RARB: variants seen among roughly 807,000 people sequenced by gnomAD.
RARB encodes retinoic acid receptor beta.
In RARB, 17 loss-of-function variants were observed where a neutral mutation model predicts 51.9. The ratio of observed to expected loss-of-function variants is 0.33; its 90% CI spans 0.22 to 0.49. The LOEUF (loss-of-function observed/expected upper bound fraction) is 0.49. Ranked by LOEUF, RARB falls within the 20% of genes least tolerant of loss-of-function variation. The pLI is 0.99. For missense variants in RARB, 369 were observed against 550.8 expected, an observed-to-expected ratio of 0.67 and a Z score of 3.30; for synonymous variants, 215 against 195.4, an observed-to-expected ratio of 1.10 and a Z score of -0.84.
At chr3:25,085,886 G>A (rs575103963) in intron 3 of RARB, among the ~76,000 whole-genome samples, 89 of 152,182 alleles carry the variant, frequency 5.8e-4, no homozygotes, top group African/African-American at 2.1e-3. Context: ...GTAACAAATA[G>A]ACCAAAATAT....
At position 25,441,279 on chromosome 3, in the gene RARB, C is replaced by G. The variant is rs546827632; in HGVS notation, c.157+12391C>G. 1.1e-4 allele frequency: 43 copies of G among 404,972 alleles called. No homozygotes were observed. The Admixed American group carries it at 1.2e-3, about 11-fold the overall frequency. The allele number at this position is 404,972 out of a possible 1,614,324, so 25.1% of individuals were successfully genotyped here. ...CTCCTGCAAAGCACCAGTAGCTGCGCTCTGGAAGCTCAGATCTGTTTTAAA... is the reference window on the plus strand; with the variant it reads ...CTCCTGCAAAGCACCAGTAGCTGCGGTCTGGAAGCTCAGATCTGTTTTAAA... On this transcript the variant is annotated intron_variant, in intron 1 of 7. Coordinates refer to ENST00000330688, the MANE Select transcript of RARB (RefSeq NM_000965.5).
At chr3:25,345,099 T>C (rs115247796) in intron 5 of RARB, among the ~76,000 whole-genome samples, 1,589 of 152,314 alleles carry the variant, frequency 0.01, 12 homozygotes, top group Middle Eastern at 0.031. Flanking sequence ...GTAGAAAATA[T>C]CTGTGGGTGT....
At chr3:25,463,623 A>G (rs1031299988) in intron 2 of RARB, among the ~76,000 whole-genome samples, 46 of 151,842 alleles carry the variant, frequency 3.0e-4, no homozygotes, top group African/African-American at 1.1e-3. Context: ...AGATCGCGCC[A>G]CTGGACTCCA....
chr3:24,944,853 G>C (rs1695740520), intron 2 of RARB, among the ~76,000 whole-genome samples: 1 of 152,204 alleles, frequency 6.6e-6, no homozygotes, highest in Admixed American at 6.5e-5. Context: ...ATTATTCAGG[G>C]AGGAAGAGAG....
At chr3:25,247,800 C>A (rs1248388127) in intron 5 of RARB, among the ~76,000 whole-genome samples, 2 of 152,210 alleles carry the variant, frequency 1.3e-5, no homozygotes, top group African/African-American at 4.8e-5. Context: ...TATGTCTTAA[C>A]ATATCTATTC....
intron 5 of RARB, among the ~76,000 whole-genome samples, chr3:25,280,959 A>T (rs1307336869): frequency 6.6e-6 from 1 of 152,230 alleles, no homozygotes; most frequent in East Asian, 1.9e-4. Flanking sequence ...AAGAAGGAAG[A>T]TCACTTACCA....
intron 5 of RARB, among the ~76,000 whole-genome samples, chr3:25,317,947 T>C (rs1159547009): frequency 6.6e-6 from 1 of 152,082 alleles, no homozygotes; most frequent in Admixed American, 6.6e-5. Context: ...TAGTCTGAAT[T>C]GATGAAGCTT....
chr3:25,323,599 T>C (rs924365031), intron 5 of RARB, among the ~76,000 whole-genome samples: 9 of 152,192 alleles, frequency 5.9e-5, no homozygotes, highest in Non-Finnish European at 1.3e-4. Context: ...AACTTTGGCT[T>C]GTATATTTCA....
intron 3 of RARB, among the ~76,000 whole-genome samples, chr3:25,547,689 A>G (rs1699669395): frequency 6.6e-6 from 1 of 152,166 alleles, no homozygotes; most frequent in South Asian, 2.1e-4. Context: ...TGTCTTGGTA[A>G]CCTGTGTTGG....
intron 3 of RARB, among the ~76,000 whole-genome samples, chr3:25,088,598 A>C (rs1457197470): frequency 6.6e-6 from 1 of 152,128 alleles, no homozygotes; most frequent in African/African-American, 2.4e-5. Context: ...CATGGTGAGG[A>C]GTGTGTTTGT....
chr3:24,984,484 A>G (rs542048970), intron 2 of RARB, among the ~76,000 whole-genome samples: 15 of 152,304 alleles, frequency 9.8e-5, no homozygotes, highest in African/African-American at 3.6e-4. Flanking sequence ...AAGTTAAACT[A>G]TGAATTTTTA....
At chr3:25,342,694 C>A (rs1413277261) in intron 5 of RARB, among the ~76,000 whole-genome samples, 1 of 152,200 alleles carries the variant, frequency 6.6e-6, no homozygotes, top group Admixed American at 6.5e-5. Flanking sequence ...TTTTCTCTTA[C>A]CTGCAGCTGA....
chr3:24,902,483 C>G (rs1255183477), intron 2 of RARB, among the ~76,000 whole-genome samples: 1 of 152,032 alleles, frequency 6.6e-6, no homozygotes, highest in Non-Finnish European at 1.5e-5. Flanking sequence ...ATTGGCAGTG[C>G]TTTAAGGTTT....
intron 5 of RARB, among the ~76,000 whole-genome samples, chr3:25,330,029 C>G (rs1032467163): frequency 2.6e-5 from 4 of 152,176 alleles, no homozygotes; most frequent in African/African-American, 9.7e-5. Flanking sequence ...AAGACCAAAT[C>G]TACATCTGAT....
At chr3:25,493,494 G>A (rs1297020739) in intron 2 of RARB, among the ~76,000 whole-genome samples, 2 of 152,186 alleles carry the variant, frequency 1.3e-5, no homozygotes, top group African/African-American at 2.4e-5. Flanking sequence ...GCTGGCCTGG[G>A]GTCACACTGC....
intron 2 of RARB, among the ~76,000 whole-genome samples, chr3:24,921,684 T>G (rs1423106344): frequency 6.6e-6 from 1 of 152,082 alleles, no homozygotes; most frequent in Non-Finnish European, 1.5e-5. Flanking sequence ...CCTCAGCATC[T>G]CCCCAGAGTG....
intron 2 of RARB, among the ~76,000 whole-genome samples, chr3:24,909,033 T>G (rs1446460042): frequency 6.6e-6 from 1 of 152,158 alleles, no homozygotes; most frequent in African/African-American, 2.4e-5. Flanking sequence ...ATATAACACA[T>G]TAGAAATGTT....
chr3:25,210,583 A>C (rs1701672656), intron 5 of RARB, among the ~76,000 whole-genome samples: 1 of 116,536 alleles, frequency 8.6e-6, no homozygotes, highest in Non-Finnish European at 1.7e-5. Context: ...TTGCCCAGGC[A>C]AGAGTGCAGA....
intron 5 of RARB, among the ~76,000 whole-genome samples, chr3:25,281,275 C>G (rs1159933940): frequency 6.6e-6 from 1 of 152,152 alleles, no homozygotes; most frequent in Non-Finnish European, 1.5e-5. Flanking sequence ...GCCATCTCGT[C>G]TATTGAAACT....
Sources: gnomAD v4.1 joint callset for allele counts (sites outside exome capture counted in the v4.1 genomes callset) on GRCh38, gnomAD v4.1.1 for gene constraint, MANE v1.5 for transcripts, NCBI Gene and HGNC (gene_info 2026-07-23, HGNC 2026-07-21) for gene names.